Variants in NRG1 observed in about 807,000 individuals in gnomAD.
NRG1 encodes the protein neuregulin 1, also known as pro-neuregulin-1, membrane-bound isoform.
Under a neutral mutation model 63.8 loss-of-function variants are expected in NRG1, and 18 were observed. That is an observed-to-expected ratio of 0.28 (90% CI 0.19 to 0.42). The LOEUF is 0.42. NRG1 is among the 10% of genes least tolerant of loss of function. NRG1 has a pLI of 1.00. For missense variants in NRG1, 762 were observed against 814.7 expected, an observed-to-expected ratio of 0.94 and a Z score of 0.79; for synonymous variants, 302 against 301.3, an observed-to-expected ratio of 1.00 and a Z score of -0.02.
chr8:32,297,226 C>A (rs937309671), intron 1 of NRG1, among the ~76,000 whole-genome samples: 1 of 151,910 alleles, frequency 6.6e-6, no homozygotes, highest in African/African-American at 2.4e-5. Context: ...CTGTAAAATC[C>A]TGGGAAAATC....
At chr8:32,565,104 A>C in intron 1 of NRG1, among the ~76,000 whole-genome samples, 1 of 152,090 alleles carries the variant, frequency 6.6e-6, no homozygotes, top group African/African-American at 2.4e-5. Flanking sequence ...TCTTTTTTGA[A>C]GTTATGGCAT....
chr8:32,348,132 C>A (rs1805148666), intron 1 of NRG1, among the ~76,000 whole-genome samples: 1 of 152,238 alleles, frequency 6.6e-6, no homozygotes, highest in Admixed American at 6.5e-5. Flanking sequence ...AGTGGTCCTG[C>A]ACACCCACTT....
intron 1 of NRG1, among the ~76,000 whole-genome samples, chr8:31,752,138 G>A (rs943280372): frequency 1.3e-5 from 2 of 152,032 alleles, no homozygotes; most frequent in Non-Finnish European, 2.9e-5. Context: ...CCTACAAGGA[G>A]AAACAGAATA....
At chr8:31,867,311 A>T (rs1341899194) in intron 1 of NRG1, among the ~76,000 whole-genome samples, 1 of 152,156 alleles carries the variant, frequency 6.6e-6, no homozygotes, top group African/African-American at 2.4e-5. Flanking sequence ...CAATGCTGTT[A>T]GCTGTTTAAA....
chr8:32,187,451 A>G (rs75427063), intron 1 of NRG1, among the ~76,000 whole-genome samples: 293 of 152,266 alleles, frequency 1.9e-3, no homozygotes, highest in Middle Eastern at 3.4e-3. Flanking sequence ...GTTAACCTAT[A>G]GTTTCTGAAT....
intron 1 of NRG1, among the ~76,000 whole-genome samples, chr8:32,464,288 C>CA (rs1822779020): frequency 7.3e-6 from 1 of 136,162 alleles, no homozygotes; most frequent in South Asian, 2.8e-4. Flanking sequence ...CACCCCCCCC[C>CA]ACCCCACCAT....
At chr8:32,748,318 C>T (rs1437293433) in intron 7 of NRG1, among the ~76,000 whole-genome samples, 1 of 149,060 alleles carries the variant, frequency 6.7e-6, no homozygotes, top group Admixed American at 6.8e-5. Flanking sequence ...CACACATAGG[C>T]GCATGTACAC....
chr8:32,466,259 C>CA (rs1563502265), intron 1 of NRG1, among the ~76,000 whole-genome samples: 1 of 151,630 alleles, frequency 6.6e-6, no homozygotes, highest in Non-Finnish European at 1.5e-5. Flanking sequence ...CCCAGGAGGT[C>CA]AAGGCTGCAG....
chr8:32,300,457 G>A (rs1162776599), intron 1 of NRG1, among the ~76,000 whole-genome samples: 1 of 152,196 alleles, frequency 6.6e-6, no homozygotes, highest in Non-Finnish European at 1.5e-5. Context: ...GAATCTTAGA[G>A]TTGTTTATCC....
In NRG1 at chr8:31,894,546, C is replaced by CTTTTTT. The variant is rs370312165; in HGVS notation, c.37+255116_37+255121dup. Among the ~76,000 whole-genome samples, 53 of 98,062 alleles carry CTTTTTT rather than the reference C, an allele frequency of 5.4e-4. 1 individual carries two copies. The highest frequency in any genetic ancestry group is 1.3e-3 in the African/African-American group (38 of 30,122). 64.3% of individuals were successfully genotyped at this position (98,062 alleles called of 152,430 possible). On this transcript the variant is annotated intron_variant, in intron 1 of 10. Transcript: ENST00000519301. ...GTGAAATCATAATTGCTATTTCTTT[C>CTTTTTT]TTTTTTCTTTTTTTTTTTTTTTGAG...
chr8:31,921,741 A>G (rs1036379377), intron 1 of NRG1, among the ~76,000 whole-genome samples: 4 of 152,110 alleles, frequency 2.6e-5, no homozygotes, highest in African/African-American at 7.2e-5. Flanking sequence ...TGCTTCCATG[A>G]GATGTTGAGC....
exon 12 of NRG1, chr8:32,764,660 C>T: frequency 3.4e-6 from 1 of 290,376 alleles, no homozygotes; most frequent in Non-Finnish European, 6.3e-6. Flanking sequence ...TGTACAGTTA[C>T]AGTGATTGCT....
rs116760289 is a variant in NRG1 at position 32,763,983 on chromosome 8, C to T, written c.1495C>T (p.His499Tyr). 3.7e-6 allele frequency: 6 copies of T among 1,614,116 alleles called. No homozygotes were observed. In the African/African-American group the frequency reaches 8.0e-5, roughly 22 times the overall value. Residue 499 changes from histidine to tyrosine, a missense_variant, in exon 12 of 12, where the codon CAC (histidine) becomes TAC (tyrosine). His to Tyr is a moderately conservative substitution (Grantham distance 83). Transcript: ENST00000356819. Reference sequence around the variant, plus strand: ...TCACCCTCAGCAGTTCAGCTCCTTCCACCACAACCCCGCGCATGACAGTAA... The same window carrying T: ...TCACCCTCAGCAGTTCAGCTCCTTCTACCACAACCCCGCGCATGACAGTAA...
At chr8:32,077,334 C>A (rs538458821) in intron 1 of NRG1, among the ~76,000 whole-genome samples, 1 of 152,224 alleles carries the variant, frequency 6.6e-6, no homozygotes, top group South Asian at 2.1e-4. Flanking sequence ...ACATTGCCCT[C>A]CAGCCTGGGC....
In NRG1 at chr8:32,358,690, G is replaced by A. The variant is rs1806806353; in HGVS notation, c.38-237138G>A. ...CATCTTCAAGATAGTAATAGCTGCA[G>A]AGCAGAAGGCTAGAGCAGAGAAAGA... On this transcript the variant is annotated intron_variant, in intron 1 of 10. Transcript: ENST00000519301. Among the ~76,000 whole-genome samples, 8 of 152,222 alleles carry A rather than the reference G, an allele frequency of 5.3e-5. No homozygotes were observed. In the South Asian group the frequency reaches 1.7e-3, roughly 32 times the overall value.
chr8:31,639,613 C>A, intron 1 of NRG1: 2 of 1,408,656 alleles, frequency 1.4e-6, no homozygotes, highest in Non-Finnish European at 1.9e-6. Context: ...AGCAGCTCCT[C>A]CACCTCCACG....
intron 1 of NRG1, among the ~76,000 whole-genome samples, chr8:32,102,102 G>C (rs994874283): frequency 7.9e-5 from 12 of 152,126 alleles, no homozygotes; most frequent in African/African-American, 2.9e-4. Flanking sequence ...AGTGATTCTT[G>C]CTTTCAAATA....
At chr8:32,384,241 G>C (rs1453537298) in intron 1 of NRG1, among the ~76,000 whole-genome samples, 1 of 151,882 alleles carries the variant, frequency 6.6e-6, no homozygotes, top group Non-Finnish European at 1.5e-5. Flanking sequence ...TGTCTCAAAA[G>C]ACAATAATAT....
intron 1 of NRG1, among the ~76,000 whole-genome samples, chr8:32,588,555 G>T (rs1165652395): frequency 2.0e-5 from 3 of 152,152 alleles, no homozygotes; most frequent in Admixed American, 1.3e-4. Context: ...CTGAAATACT[G>T]CCCCCAATTT....
Sources: gnomAD v4.1 joint callset for allele counts (sites outside exome capture counted in the v4.1 genomes callset) on GRCh38, gnomAD v4.1.1 for gene constraint, MANE v1.5 for transcripts, NCBI Gene and HGNC (gene_info 2026-07-23, HGNC 2026-07-21) for gene names.